DPYD: variants seen among roughly 807,000 people sequenced by gnomAD.
DPYD encodes dihydropyrimidine dehydrogenase, also known as dihydropyrimidine dehydrogenase [NADP(+)].
A neutral mutation model predicts 116.2 loss-of-function variants in DPYD; 109 were observed. That is an observed-to-expected ratio of 0.94 (90% CI 0.80 to 1.10). The LOEUF is 1.10. DPYD is among the 50% of genes least tolerant of loss of function. DPYD has a pLI of 0.00. For missense variants in DPYD, 1,302 were observed against 1,254.5 expected (o/e 1.04, Z -0.57); for synonymous variants, 440 against 432.0 (o/e 1.02, Z -0.23).
At chr1:97,333,517 A>ATTTTTTTT (rs778577478) in intron 16 of DPYD, among the ~76,000 whole-genome samples, 2 of 97,050 alleles carry the variant, frequency 2.1e-5, no homozygotes, top group Admixed American at 1.3e-4. Flanking sequence ...AAGTCTTAGG[A>ATTTTTTTT]TTTTTTTTTT....
chr1:97,361,931 A>T (rs1242222703), intron 16 of DPYD, among the ~76,000 whole-genome samples: 3 of 152,228 alleles, frequency 2.0e-5, no homozygotes, highest in Non-Finnish European at 4.4e-5. Context: ...CCTATTACAC[A>T]TAGTGTTGGA....
At chr1:97,286,574 G>T (rs1369577198) in intron 18 of DPYD, among the ~76,000 whole-genome samples, 2 of 152,024 alleles carry the variant, frequency 1.3e-5, no homozygotes, top group African/African-American at 4.8e-5. Flanking sequence ...ACGTAGATTT[G>T]GTCGTTTCAC....
chr1:97,411,895 A>G (rs1460340793), intron 14 of DPYD, among the ~76,000 whole-genome samples: 1 of 152,216 alleles, frequency 6.6e-6, no homozygotes, highest in Non-Finnish European at 1.5e-5. Context: ...CAGAGTGTAC[A>G]ACAAGTTCCT....
intron 8 of DPYD, among the ~76,000 whole-genome samples, chr1:97,625,646 C>A (rs1032327785): frequency 6.6e-6 from 1 of 151,822 alleles, no homozygotes; most frequent in Non-Finnish European, 1.5e-5. Flanking sequence ...AGGACATAGG[C>A]ATATACAGAG....
intron 20 of DPYD, among the ~76,000 whole-genome samples, chr1:97,122,317 G>A (rs1274338959): frequency 6.6e-6 from 1 of 152,166 alleles, no homozygotes; most frequent in African/African-American, 2.4e-5. Context: ...AGCCTGTGCT[G>A]TAGGAAGGAT....
intron 20 of DPYD, among the ~76,000 whole-genome samples, chr1:97,126,726 C>CAACT (rs1478817731): frequency 6.6e-6 from 1 of 152,158 alleles, no homozygotes; most frequent in Non-Finnish European, 1.5e-5. Flanking sequence ...CTGTCACAGA[C>CAACT]AACTGTTCAA....
chr1:97,558,627 C>T (rs994982011), intron 11 of DPYD, among the ~76,000 whole-genome samples: 1 of 152,164 alleles, frequency 6.6e-6, no homozygotes, highest in Non-Finnish European at 1.5e-5. Context: ...CAGATCTGAT[C>T]TTCTCCCTCA....
intron 20 of DPYD, among the ~76,000 whole-genome samples, chr1:97,181,525 T>A (rs1657643083): frequency 6.6e-6 from 1 of 152,140 alleles, no homozygotes; most frequent in African/African-American, 2.4e-5. Context: ...ATTTAGAAGC[T>A]TTTTGGGATA....
intron 8 of DPYD, among the ~76,000 whole-genome samples, chr1:97,659,133 T>C (rs1659108365): frequency 6.6e-6 from 1 of 152,190 alleles, no homozygotes; most frequent in Non-Finnish European, 1.5e-5. Context: ...GGAATCTCTC[T>C]ATCACTACTT....
chr1:97,656,590 C>G (rs911373029), intron 8 of DPYD, among the ~76,000 whole-genome samples: 2 of 152,112 alleles, frequency 1.3e-5, no homozygotes, highest in Admixed American at 6.6e-5. Flanking sequence ...TTTCAACTTC[C>G]AAAATGTTGT....
At position 97,787,949 on chromosome 1, in the gene DPYD, G is replaced by C. The variant is rs949879485; in HGVS notation, c.233+40165C>G. ...CCTCTAGAAAAATCACACGGTAGTA[G>C]AGAGGTAGACAGGTTAAATTGCCAT... On this transcript the variant is annotated intron_variant, in intron 3 of 22. Transcript: ENST00000370192. Among the ~76,000 whole-genome samples the C allele has an allele frequency of 3.9e-5, 6 of 152,290 alleles. No homozygotes were observed. The East Asian group carries it at 1.2e-3, about 29-fold the overall frequency.
intron 12 of DPYD, among the ~76,000 whole-genome samples, chr1:97,530,216 T>C (rs1261235550): frequency 3.5e-5 from 2 of 57,384 alleles, no homozygotes; most frequent in Non-Finnish European, 7.6e-5. Flanking sequence ...TTTTTTTTCT[T>C]TTTTTTTTTT....
chr1:97,858,073 T>G (rs964694191), intron 2 of DPYD, among the ~76,000 whole-genome samples: 2 of 152,098 alleles, frequency 1.3e-5, no homozygotes, highest in African/African-American at 4.8e-5. Context: ...AATGAGTCTG[T>G]TTCTAAAGAT....
intron 14 of DPYD, among the ~76,000 whole-genome samples, chr1:97,449,602 A>G (rs1032031608): frequency 6.6e-6 from 1 of 152,208 alleles, no homozygotes; most frequent in African/African-American, 2.4e-5. Flanking sequence ...TAGTTGACTA[A>G]TTTAGTATAG....
intron 14 of DPYD, among the ~76,000 whole-genome samples, chr1:97,405,278 G>T (rs1320835788): frequency 6.6e-6 from 1 of 151,850 alleles, no homozygotes; most frequent in Non-Finnish European, 1.5e-5. Flanking sequence ...TTCCTTCTTT[G>T]ATGTTCTTCC....
At chr1:97,365,570 A>T (rs566379728) in intron 16 of DPYD, among the ~76,000 whole-genome samples, 1 of 152,364 alleles carries the variant, frequency 6.6e-6, no homozygotes, top group South Asian at 2.1e-4. Flanking sequence ...AACTTAAAAA[A>T]TACTTTTGTT....
At chr1:97,856,021 A>G (rs962699649) in intron 2 of DPYD, 2 of 152,230 alleles carry the variant, frequency 1.3e-5, no homozygotes, top group African/African-American at 4.8e-5. Flanking sequence ...AGAAACGGAG[A>G]CATCTTAGAA....
intron 20 of DPYD, among the ~76,000 whole-genome samples, chr1:97,191,397 A>T (rs977180436): frequency 2.6e-5 from 4 of 152,112 alleles, no homozygotes; most frequent in Admixed American, 1.3e-4. Context: ...TTATTCCTCA[A>T]GTTAGTGTTG....
intron 12 of DPYD, among the ~76,000 whole-genome samples, chr1:97,520,311 T>C (rs1047210211): frequency 6.6e-6 from 1 of 152,154 alleles, no homozygotes; most frequent in Non-Finnish European, 1.5e-5. Context: ...GTTACATGTA[T>C]TTTACCTGCC....
Sources: allele counts gnomAD v4.1 joint callset (sites outside exome capture counted in the v4.1 genomes callset), GRCh38; gene constraint gnomAD v4.1.1; transcripts MANE v1.5; gene names NCBI Gene and HGNC (gene_info 2026-07-23, HGNC 2026-07-21).